INTS8: variants seen among roughly 807,000 people sequenced by gnomAD.
INTS8 encodes protein kaonashi-1.
INTS8 carries 47 observed loss-of-function variants against 138.9 expected under a neutral mutation model. The ratio of observed to expected loss-of-function variants is 0.34; its 90% CI spans 0.27 to 0.43. The LOEUF is 0.43. Among genes scored for constraint, INTS8 ranks in the 20% least tolerant of loss-of-function variants. The probability of loss-of-function intolerance (pLI) is 1.00; values close to 1 mark genes in which losing one functional copy is unlikely to be tolerated. For synonymous variants in INTS8, 392 were observed against 400.9 expected (o/e 0.98, Z 0.27); for missense variants, 996 against 1,173.0 (o/e 0.85, Z 2.20).
In INTS8 at chr8:94,827,338, T is replaced by C. The variant is rs1455647695; in HGVS notation, c.381T>C (p.His127=). 1.2e-6 allele frequency: 2 copies of C among 1,613,756 alleles called. No individual in the cohort carries two copies. Among genetic ancestry groups the C allele is most frequent in the African/African-American group, 1.3e-5 (1 of 74,938 alleles). ...GTAAAGTTCCTCCTGGGACAAAGCA[T>C]GTAGACATGGATCTGGCCACTTTAC... ...CISKVPPGTK[H]VDMDLATLPP... The change falls in exon 3 of 27, where the codon CAT becomes CAC. Residue 127 remains histidine, a synonymous_variant. Coordinates refer to ENST00000523731, the MANE Select transcript of INTS8 (RefSeq NM_017864.4).
Position 94,861,512 on chromosome 8 carries a change from T to C in INTS8, c.2076+1880T>C, listed in dbSNP as rs552633597. 4.0e-3 allele frequency among the ~76,000 whole-genome samples: 609 copies of C among 151,824 alleles called. 5 individuals carry two copies. Among genetic ancestry groups the C allele is most frequent in the African/African-American group, 0.014 (586 of 41,402 alleles). On this transcript the variant is annotated intron_variant, in intron 16 of 26. Coordinates refer to ENST00000523731, the MANE Select transcript of INTS8 (RefSeq NM_017864.4). ...TCCTGACCTCGTGATCTGCCCGCCT[T>C]GGCCTCCCAAAGTGCTGGGATTACA...
At chr8:94,835,874 A>G (rs910866287) in intron 6 of INTS8, among the ~76,000 whole-genome samples, 4 of 152,224 alleles carry the variant, frequency 2.6e-5, no homozygotes, top group African/African-American at 9.6e-5. Context: ...CTGGGTTTAC[A>G]GGCGTGAGCC....
At chr8:94,874,918 A>G (rs185146581) in intron 23 of INTS8, among the ~76,000 whole-genome samples, 11 of 152,252 alleles carry the variant, frequency 7.2e-5, no homozygotes, top group Non-Finnish European at 1.3e-4. Context: ...ACCACTTCCT[A>G]CCCACTGGGA....
chr8:94,848,457 ATC>A (rs1815410894), intron 10 of INTS8, among the ~76,000 whole-genome samples: 1 of 152,100 alleles, frequency 6.6e-6, no homozygotes, highest in African/African-American at 2.4e-5. Flanking sequence ...CAAAAAGATA[ATC>A]TCTTATTCAT....
chr8:94,832,151 A>G lies in INTS8; in HGVS notation c.730A>G (p.Lys244Glu). Reference sequence around the variant, plus strand: ...GAGTTCTACTGCTGGATTGAAAGTCAAAACCGAAGAAATGCAGTGCCAGGT... The same window carrying G: ...GAGTTCTACTGCTGGATTGAAAGTCGAAACCGAAGAAATGCAGTGCCAGGT... ...TESSTAGLKVKTEEMQCQVCY... is the reference protein window; with the variant it reads ...TESSTAGLKVETEEMQCQVCY... The change falls in exon 6 of 27, where the codon AAA becomes GAA. Residue 244 changes from lysine (K) to glutamate (E), a missense_variant. Coordinates refer to ENST00000523731, the MANE Select transcript of INTS8 (RefSeq NM_017864.4). The G allele has an allele frequency of 6.2e-7, 1 of 1,612,024 alleles. No individual in the cohort carries two copies. Among genetic ancestry groups the G allele is most frequent in the Non-Finnish European group, 8.5e-7 (1 of 1,179,556 alleles).
chr8:94,859,289 T>G (rs955625822), intron 15 of INTS8, among the ~76,000 whole-genome samples: 5 of 151,126 alleles, frequency 3.3e-5, no homozygotes, highest in Admixed American at 2.0e-4. Flanking sequence ...TCTACAAAAT[T>G]TTATTTTTGA....
At chr8:94,868,979 GA>G (rs1816285858) in intron 20 of INTS8, among the ~76,000 whole-genome samples, 2 of 131,566 alleles carry the variant, frequency 1.5e-5, no homozygotes, top group East Asian at 4.4e-4. Flanking sequence ...CCCAGTTTTG[GA>G]TTTTTTTTTT....
chr8:94,838,979 T>A (rs1381399271), intron 8 of INTS8, among the ~76,000 whole-genome samples: 1 of 152,226 alleles, frequency 6.6e-6, no homozygotes, highest in Non-Finnish European at 1.5e-5. Flanking sequence ...TGTGTGTGCA[T>A]TTGTTTAGCA....
At position 94,880,525 on chromosome 8, in the gene INTS8, G is replaced by A. The variant is rs1404830508; in HGVS notation, c.*291G>A. The A allele has an allele frequency of 1.0e-5, 3 of 297,278 alleles. No individual in the cohort carries two copies. The highest frequency in any genetic ancestry group is 1.0e-4 in the Admixed American group (2 of 20,082). The allele number at this position is 297,278 out of a possible 1,614,324, so 18.4% of individuals were successfully genotyped here. A position where few individuals can be genotyped will look rare whatever the true frequency, so the allele number is the denominator to read the frequency against. ...GAGGCTGGATTTTTTTTTTAGAAAAGCTAATTTAAAATATTTAGAAATAGC... is the reference window on the plus strand; with the variant it reads ...GAGGCTGGATTTTTTTTTTAGAAAAACTAATTTAAAATATTTAGAAATAGC... On this transcript the variant is annotated 3_prime_UTR_variant, in exon 27 of 27. Coordinates refer to ENST00000523731, the MANE Select transcript of INTS8 (RefSeq NM_017864.4).
At chr8:94,853,778 T>C (rs1236309881) in intron 13 of INTS8, 27 bp from the exon 14 acceptor site, 1 of 1,250,296 alleles carries the variant, frequency 8.0e-7, no homozygotes, top group African/African-American at 1.5e-5. Flanking sequence ...TGTGTGCATA[T>C]ATATATGTAT....
In INTS8 at chr8:94,867,338, G is replaced by A; in HGVS notation, c.2414+1G>A. The A allele has an allele frequency of 6.2e-7, 1 of 1,601,672 alleles. No homozygotes were observed. The highest frequency in any genetic ancestry group is 8.5e-7 in the Non-Finnish European group (1 of 1,169,608). On this transcript the variant is annotated splice_donor_variant, in intron 20 of 26. Transcript: ENST00000523731. LOFTEE classifies it high-confidence loss of function. ...CTATTTGGCCATCTTCCATTCCCAA[G>A]TAAGTAGTGGTATAGCTTTTATTTT... is the stretch of plus-strand genomic sequence containing the variant.
At chr8:94,874,507 C>T in intron 22 of INTS8, 45 bp from the exon 23 acceptor site, 3 of 1,065,668 alleles carry the variant, frequency 2.8e-6, no homozygotes, top group Non-Finnish European at 4.4e-6. Context: ...TGTTAGAATC[C>T]ATGTTAGCTG....
In INTS8 at chr8:94,849,990, T is replaced by C. The variant is rs1386797072; in HGVS notation, c.1406T>C (p.Leu469Ser). The C allele has an allele frequency of 6.2e-7, 1 of 1,613,274 alleles. No homozygotes were observed. Among genetic ancestry groups the C allele is most frequent in the African/African-American group, 1.3e-5 (1 of 75,022 alleles). The change falls in exon 12 of 27, where the codon TTG (leucine) becomes TCG (serine). Residue 469 changes from leucine (L) to serine (S), a missense_variant. Coordinates refer to ENST00000523731, the MANE Select transcript of INTS8 (RefSeq NM_017864.4). ...ISSHELFITL[L>S]KDEERKLLVD... ...TCACATGAGCTTTTCATTACATTGT[T>C]GAAAGATGAAGAACGAAAGCTACTT...
chr8:94,879,785 A>G lies in INTS8; in HGVS notation c.2872-333A>G, dbSNP rs533600277. The G allele has an allele frequency of 4.5e-4, 78 of 172,098 alleles. 2 individuals carry two copies. The South Asian group carries it at 0.011, about 25-fold the overall frequency. The allele number at this position is 172,098 out of a possible 1,614,324, so 10.7% of individuals were successfully genotyped here. On this transcript the variant is annotated intron_variant, in intron 26 of 26. Transcript: ENST00000523731. The stretch of plus-strand genomic sequence containing the variant: ...GTGCTGAGCCACCAGTTATTTTTGC[A>G]CATTAACAAGTGGAGCCCTAGTTTA...
At chr8:94,857,004 T>G (rs1815772276) in intron 15 of INTS8, 26 bp downstream of exon 15, 1 of 1,558,422 alleles carries the variant, frequency 6.4e-7, no homozygotes, top group Non-Finnish European at 8.8e-7. Flanking sequence ...AAAGACAAAT[T>G]TCAGAAACTC....
chr8:94,827,520 G>A (rs1814554137), intron 3 of INTS8, 117 bp downstream of exon 3: 1 of 1,265,726 alleles, frequency 7.9e-7, no homozygotes, highest in Non-Finnish European at 1.1e-6. Context: ...CAAATCTGGG[G>A]AACTGTGAGT....
rs753322093 is a variant in INTS8, at chr8:94,828,968, CTT to C, written c.519-4_519-3del. On this transcript the variant is annotated splice_region_variant and splice_polypyrimidine_tract_variant and intron_variant, in intron 4 of 26. Transcript: ENST00000523731. ...GATACTTTTGTTTTCAATTGTTTCTCTTTTAGTATGAATCAAATGCAACAGGA... is the reference window on the plus strand; with the variant it reads ...GATACTTTTGTTTTCAATTGTTTCTCTTAGTATGAATCAAATGCAACAGGA... The C allele has an allele frequency of 6.3e-7, 1 of 1,581,908 alleles. No homozygotes were observed. Among genetic ancestry groups the C allele is most frequent in the South Asian group, 1.1e-5 (1 of 88,632 alleles).
chr8:94,870,196 C>T (rs759624913), intron 20 of INTS8, among the ~76,000 whole-genome samples: 6 of 151,906 alleles, frequency 3.9e-5, no homozygotes, highest in Non-Finnish European at 8.8e-5. Flanking sequence ...GGGCTACAGG[C>T]GCCCACCACC....
chr8:94,850,080 A>C lies in INTS8; in HGVS notation c.1496A>C (p.Tyr499Ser). The change falls in exon 12 of 27, where the codon TAT becomes TCT. Residue 499 changes from tyrosine to serine, a missense_variant. Physicochemically the swap from Tyr to Ser is moderately radical, Grantham distance 144. Coordinates refer to ENST00000523731, the MANE Select transcript of INTS8 (RefSeq NM_017864.4). ...TGCATTAAACCTGTAACTTCATTTT[A>C]TGATATCCCAGGTTAGCTCTCTAGT... is the stretch of plus-strand genomic sequence containing the variant. ...NLCIKPVTSF[Y>S]DIPASASVNI... The C allele has an allele frequency of 6.3e-7, 1 of 1,597,738 alleles. No homozygotes were observed. Among genetic ancestry groups the C allele is most frequent in the Non-Finnish European group, 8.5e-7 (1 of 1,172,100 alleles).
Sources: gnomAD v4.1 joint callset for allele counts (sites outside exome capture counted in the v4.1 genomes callset) on GRCh38, gnomAD v4.1.1 for gene constraint, MANE v1.5 for transcripts, NCBI Gene and HGNC (gene_info 2026-07-23, HGNC 2026-07-21) for gene names.